Variants in CHST11 observed in about 807,000 individuals in gnomAD.
CHST11 encodes the protein carbohydrate sulfotransferase 11, also known as C4S-1.
A neutral mutation model predicts 30.4 loss-of-function variants in CHST11; 9 were observed. The observed-to-expected ratio is 0.30, with a 90% CI of 0.18 to 0.52. The LOEUF (loss-of-function observed/expected upper bound fraction) is 0.52, where lower values mean the gene tolerates loss of function less well. Among genes scored for constraint, CHST11 ranks in the 20% least tolerant of loss-of-function variants. The pLI is 0.97. For missense variants in CHST11, 348 were observed against 460.6 expected, an observed-to-expected ratio of 0.76 and a Z score of 2.24; for synonymous variants, 152 against 187.8, an observed-to-expected ratio of 0.81 and a Z score of 1.56.
intron 2 of CHST11, among the ~76,000 whole-genome samples, chr12:104,751,928 A>G (rs931347123): frequency 1.3e-5 from 2 of 152,238 alleles, no homozygotes; most frequent in African/African-American, 4.8e-5. Context: ...AGCCTCTTAT[A>G]TGATGTTATC....
chr12:104,752,553 A>C (rs2040441973), intron 2 of CHST11, among the ~76,000 whole-genome samples: 1 of 151,836 alleles, frequency 6.6e-6, no homozygotes, highest in Non-Finnish European at 1.5e-5. Context: ...TTTGAGACAG[A>C]GTCTCACTCT....
At chr12:104,618,766 T>C (rs1461213617) in intron 2 of CHST11, among the ~76,000 whole-genome samples, 1 of 152,004 alleles carries the variant, frequency 6.6e-6, no homozygotes, top group African/African-American at 2.4e-5. Flanking sequence ...AGAGAGGCGT[T>C]TTGTTGTTGG....
At chr12:104,573,610 A>C (rs1367190017) in intron 1 of CHST11, among the ~76,000 whole-genome samples, 1 of 152,266 alleles carries the variant, frequency 6.6e-6, no homozygotes, top group East Asian at 1.9e-4. Flanking sequence ...GAAATGAGGA[A>C]ATGATTCCCT....
intron 2 of CHST11, among the ~76,000 whole-genome samples, chr12:104,636,099 G>C (rs2039320765): frequency 6.6e-6 from 1 of 152,176 alleles, no homozygotes; most frequent in Non-Finnish European, 1.5e-5. Flanking sequence ...TACAGATGTG[G>C]CTATTGAGGC....
intron 2 of CHST11, among the ~76,000 whole-genome samples, chr12:104,756,401 T>C (rs2040474749): frequency 6.6e-6 from 1 of 152,204 alleles, no homozygotes; most frequent in Admixed American, 6.5e-5. Flanking sequence ...TCCCAAGCAT[T>C]TCCCTTTGCC....
At chr12:104,699,024 A>G (rs764515973) in intron 2 of CHST11, among the ~76,000 whole-genome samples, 3 of 152,238 alleles carry the variant, frequency 2.0e-5, no homozygotes, top group Non-Finnish European at 4.4e-5. Flanking sequence ...GGCACAATAA[A>G]TGACTCGGCT....
At chr12:104,731,386 G>A (rs1228987459) in intron 2 of CHST11, among the ~76,000 whole-genome samples, 1 of 152,220 alleles carries the variant, frequency 6.6e-6, no homozygotes, top group Non-Finnish European at 1.5e-5. Context: ...CCTGTGCAGC[G>A]AGGTGGCTGT....
At chr12:104,614,023 A>C (rs558656889) in intron 2 of CHST11, among the ~76,000 whole-genome samples, 1 of 152,346 alleles carries the variant, frequency 6.6e-6, no homozygotes, top group Non-Finnish European at 1.5e-5. Context: ...GAAATCTGCT[A>C]GGAAAGCAGA....
chr12:104,694,191 A>G lies in CHST11; in HGVS notation c.205-62758A>G, dbSNP rs186393919. Among the ~76,000 whole-genome samples the G allele has an allele frequency of 2.0e-5, 3 of 152,206 alleles. No homozygotes were observed. The East Asian group carries it at 5.8e-4, about 29-fold the overall frequency. On this transcript the variant is annotated intron_variant, in intron 2 of 2. Coordinates refer to ENST00000303694, the MANE Select transcript of CHST11 (RefSeq NM_018413.6). ...GGGCAGGGGGTAGCTTGTATCATGGACGTACCTACATTAAAAGCCCCCAAG... is the reference window on the plus strand; with the variant it reads ...GGGCAGGGGGTAGCTTGTATCATGGGCGTACCTACATTAAAAGCCCCCAAG...
chr12:104,693,939 AT>A (rs1181683425), intron 2 of CHST11, among the ~76,000 whole-genome samples: 1 of 152,220 alleles, frequency 6.6e-6, no homozygotes, highest in Non-Finnish European at 1.5e-5. Context: ...AATATTTTAG[AT>A]TCTGTGGGCC....
In CHST11 at chr12:104,493,035, GAAA is replaced by G. The variant is rs367826263; in HGVS notation, c.118+35516_118+35518del. Reference sequence around the variant, plus strand: ...GCAACAGAGCAAGACCCAGTCTCAGGAAAAAAAAAAAATCCAGGACGTAACTGA... The same window carrying G: ...GCAACAGAGCAAGACCCAGTCTCAGGAAAAAAAAATCCAGGACGTAACTGA... On this transcript the variant is annotated intron_variant, in intron 1 of 2. Coordinates refer to ENST00000303694, the MANE Select transcript of CHST11 (RefSeq NM_018413.6). Among the ~76,000 whole-genome samples, 440 of 143,226 alleles carry G rather than the reference GAAA, an allele frequency of 3.1e-3. 3 individuals carry two copies. Among genetic ancestry groups the G allele is most frequent in the African/African-American group, 0.011 (429 of 39,162 alleles). 94.0% of individuals were successfully genotyped at this position (143,226 alleles called of 152,430 possible).
intron 2 of CHST11, among the ~76,000 whole-genome samples, chr12:104,606,715 G>T (rs980776084): frequency 6.6e-6 from 1 of 152,162 alleles, no homozygotes; most frequent in Admixed American, 6.5e-5. Flanking sequence ...AGGACCAGTT[G>T]CAAAATTCAC....
intron 1 of CHST11, among the ~76,000 whole-genome samples, chr12:104,490,206 A>G (rs1233116921): frequency 1.3e-5 from 2 of 152,204 alleles, no homozygotes; most frequent in Admixed American, 1.3e-4. Flanking sequence ...TGGTTGAGGA[A>G]AAGCAGGGCA....
chr12:104,718,825 C>T (rs1186848532), intron 2 of CHST11, among the ~76,000 whole-genome samples: 1 of 152,082 alleles, frequency 6.6e-6, no homozygotes, highest in Non-Finnish European at 1.5e-5. Context: ...TTCCGGTGGA[C>T]GAGAGTGGAG....
At chr12:104,558,430 T>C (rs2038479397) in intron 1 of CHST11, among the ~76,000 whole-genome samples, 1 of 152,094 alleles carries the variant, frequency 6.6e-6, no homozygotes, top group African/African-American at 2.4e-5. Context: ...TTGTACCAAT[T>C]CCTGCAAATT....
At chr12:104,632,178 G>T (rs909689919) in intron 2 of CHST11, among the ~76,000 whole-genome samples, 1 of 152,066 alleles carries the variant, frequency 6.6e-6, no homozygotes, top group African/African-American at 2.4e-5. Context: ...CCAGGCCAGG[G>T]TTCCGTCTTC....
chr12:104,712,333 G>A (rs1029949239), intron 2 of CHST11, among the ~76,000 whole-genome samples: 8 of 152,072 alleles, frequency 5.3e-5, no homozygotes, highest in Admixed American at 2.0e-4. Context: ...CTCATCTTCT[G>A]TAATGAGGTA....
At chr12:104,687,893 C>A (rs185403211) in intron 2 of CHST11, among the ~76,000 whole-genome samples, 1 of 152,090 alleles carries the variant, frequency 6.6e-6, no homozygotes, top group African/African-American at 2.4e-5. Context: ...GTTTTCATAC[C>A]GTACCAGCAT....
chr12:104,597,373 C>T (rs886834466), intron 1 of CHST11, among the ~76,000 whole-genome samples: 4 of 152,000 alleles, frequency 2.6e-5, no homozygotes, highest in African/African-American at 4.8e-5. Flanking sequence ...AATAAAACTC[C>T]CAGTGGGCGG....
Sources: gnomAD v4.1 joint callset for allele counts (sites outside exome capture counted in the v4.1 genomes callset) on GRCh38, gnomAD v4.1.1 for gene constraint, MANE v1.5 for transcripts, NCBI Gene and HGNC (gene_info 2026-07-23, HGNC 2026-07-21) for gene names.